The following CUL5 variants were observed in gnomAD, a reference collection of about 807,000 sequenced individuals.
CUL5 encodes the protein cullin-5.
Under a neutral mutation model 108.8 loss-of-function variants are expected in CUL5, and 26 were observed. That is an observed-to-expected ratio of 0.24 (90% CI 0.18 to 0.33). The LOEUF (loss-of-function observed/expected upper bound fraction) is 0.33. Ranked by LOEUF, CUL5 falls within the 10% of genes least tolerant of loss-of-function variation. CUL5 has a pLI of 1.00. For missense variants in CUL5, 524 were observed against 909.2 expected (o/e 0.58, Z 5.45); for synonymous variants, 334 against 298.0 (o/e 1.12, Z -1.25).
chr11:108,075,809 C>T (rs928665225), intron 10 of CUL5, among the ~76,000 whole-genome samples: 2 of 152,132 alleles, frequency 1.3e-5, no homozygotes, highest in African/African-American at 2.4e-5. Context: ...CGTGAGCCAC[C>T]ACCCCTGGCC....
intron 11 of CUL5, among the ~76,000 whole-genome samples, chr11:108,080,338 C>G (rs1224366393): frequency 6.6e-6 from 1 of 152,112 alleles, no homozygotes; most frequent in Non-Finnish European, 1.5e-5. Flanking sequence ...ATGCTCCTGC[C>G]TCAGCCTCCC....
At chr11:108,010,217 G>A (rs1349918669) in intron 1 of CUL5, among the ~76,000 whole-genome samples, 1 of 152,222 alleles carries the variant, frequency 6.6e-6, no homozygotes, top group Admixed American at 6.5e-5. Context: ...AGAAATGGGG[G>A]TAGTGAATAG....
chr11:108,072,606 C>A, intron 9 of CUL5, 144 bp downstream of exon 9: 1 of 551,474 alleles, frequency 1.8e-6, no homozygotes, highest in Non-Finnish European at 3.1e-6. Context: ...AGTTATAGTT[C>A]AATAGGAAGA....
In CUL5 at chr11:108,106,297, T is replaced by A. The variant is rs1474183920; in HGVS notation, c.*1913T>A. On this transcript the variant is annotated 3_prime_UTR_variant, in exon 19 of 19. Transcript: ENST00000393094. ...TTGCCGTCCATTTTAAAAATTTAGGTTTGTTGTTTTAAACCATAATTGTTC... is the reference window on the plus strand; with the variant it reads ...TTGCCGTCCATTTTAAAAATTTAGGATTGTTGTTTTAAACCATAATTGTTC... 6.6e-6 allele frequency: 1 copy of A among 152,472 alleles called. No homozygotes were observed. The allele number at this position is 152,472 out of a possible 1,614,324, so 9.4% of individuals were successfully genotyped here.
chr11:108,054,871 A>G lies in CUL5; in HGVS notation c.700-4A>G. The G allele has an allele frequency of 6.2e-7, 1 of 1,608,300 alleles. No individual in the cohort carries two copies. The highest frequency in any genetic ancestry group is 8.5e-7 in the Non-Finnish European group (1 of 1,178,464). On this transcript the variant is annotated splice_region_variant and splice_polypyrimidine_tract_variant and intron_variant, in intron 6 of 18. Coordinates refer to ENST00000393094, the MANE Select transcript of CUL5 (RefSeq NM_003478.6). ...AAAATGATTGCTATTTTGCTTCTGG[A>G]CAGGCAGATGCTAAATTAAAAGAAG...
At position 108,094,832 on chromosome 11, in the gene CUL5, A is replaced by G. The variant is rs1160725863; in HGVS notation, c.1588A>G (p.Ile530Val). Reference protein sequence around the residue: ...ALPADSVNIKILNAGAWSRSS... With the variant: ...ALPADSVNIKVLNAGAWSRSS... The stretch of plus-strand genomic sequence containing the variant: ...TATAGCTGATTCAGTTAATATAAAA[A>G]TTCTGAATGCTGGCGCCTGGTCAAG... Residue 530 changes from isoleucine (I) to valine (V), a missense_variant, in exon 15 of 19, where the codon ATT (isoleucine) becomes GTT (valine). This residue lies in a region of CUL5 where 64 missense variants were observed against 152.0 expected (regional missense o/e 0.42). Coordinates refer to ENST00000393094, the MANE Select transcript of CUL5 (RefSeq NM_003478.6). The G allele has an allele frequency of 1.9e-5, 30 of 1,601,040 alleles. No homozygotes were observed. The highest frequency in any genetic ancestry group is 2.0e-5 in the Non-Finnish European group (23 of 1,175,498).
In CUL5 at chr11:108,104,421, T is replaced by C. The variant is rs766605308; in HGVS notation, c.*37T>C. On this transcript the variant is annotated 3_prime_UTR_variant, in exon 19 of 19. Coordinates refer to ENST00000393094, the MANE Select transcript of CUL5 (RefSeq NM_003478.6). ...ATGGACAATATTTAGAACCCAAATT[T>C]TGGAGTGCTTGGGCAGAAAGTTGTA... 1 of 1,321,490 alleles carries C rather than the reference T, an allele frequency of 7.6e-7. No homozygotes were observed. The highest frequency in any genetic ancestry group is 1.7e-5 in the South Asian group (1 of 59,896). 81.9% of individuals were successfully genotyped at this position (1,321,490 alleles called of 1,614,324 possible). A position where few individuals can be genotyped will look rare whatever the true frequency, so the allele number is the denominator to read the frequency against.
intron 12 of CUL5, among the ~76,000 whole-genome samples, chr11:108,089,233 A>G (rs1864293904): frequency 6.6e-6 from 1 of 152,060 alleles, no homozygotes; most frequent in Non-Finnish European, 1.5e-5. Context: ...CATGTAAAGT[A>G]TATCGTTGCA....
At chr11:108,059,882 TA>T (rs35036425) in intron 7 of CUL5, among the ~76,000 whole-genome samples, 133,633 of 142,052 alleles carry the variant, frequency 0.94, 63,109 homozygotes, top group Middle Eastern at 1. Flanking sequence ...AGACTCTGTC[TA>T]AAAAAAAAAA....
At chr11:108,026,069 C>A (rs1390970984) in intron 1 of CUL5, among the ~76,000 whole-genome samples, 1 of 152,180 alleles carries the variant, frequency 6.6e-6, no homozygotes, top group African/African-American at 2.4e-5. Context: ...TCTCTTTTCA[C>A]CTTGAAGTCC....
chr11:108,074,297 C>T (rs186403602), intron 10 of CUL5, among the ~76,000 whole-genome samples: 275 of 149,478 alleles, frequency 1.8e-3, no homozygotes, highest in African/African-American at 6.6e-3. Context: ...CAGGTTCAAG[C>T]GATTCTCCTG....
chr11:108,073,569 T>A, intron 10 of CUL5, 72 bp downstream of exon 10: 1 of 620,484 alleles, frequency 1.6e-6, no homozygotes. Context: ...AATAATCAAT[T>A]TGCATTATTT....
At chr11:108,095,484 AATC>A (rs1331122038) in intron 15 of CUL5, 43 bp from the exon 16 acceptor site, 5 of 1,282,216 alleles carry the variant, frequency 3.9e-6, no homozygotes, top group South Asian at 2.8e-5. Context: ...ATTAAGAGAG[AATC>A]ATCATGAGAT....
chr11:108,052,674 A>T lies in CUL5; in HGVS notation c.426A>T (p.Thr142=). Reference sequence around the variant, plus strand: ...TGTTTTCCTAGCTTATGCTTGATACATGGAATGAGTCAATCTTTTCAAACA... The same window carrying T: ...TGTTTTCCTAGCTTATGCTTGATACTTGGAATGAGTCAATCTTTTCAAACA... ...DSIVRKLMLD[T]WNESIFSNIK... Residue 142 remains threonine (T), a synonymous_variant, in exon 5 of 19, where the codon ACA becomes ACT. Transcript: ENST00000393094. The T allele has an allele frequency of 6.2e-7, 1 of 1,609,826 alleles. No homozygotes were observed. The highest frequency in any genetic ancestry group is 1.1e-5 in the South Asian group (1 of 90,138).
At chr11:108,052,115 G>C (rs566828163) in intron 4 of CUL5, among the ~76,000 whole-genome samples, 1 of 151,934 alleles carries the variant, frequency 6.6e-6, no homozygotes, top group Non-Finnish European at 1.5e-5. Context: ...ACAGGCACAT[G>C]CCAGCATGCC....
chr11:108,067,862 G>A (rs963654203), intron 7 of CUL5, among the ~76,000 whole-genome samples: 4 of 152,166 alleles, frequency 2.6e-5, no homozygotes, highest in African/African-American at 4.8e-5. Context: ...TTGGGGCAGA[G>A]ATTTCCACCT....
intron 7 of CUL5, among the ~76,000 whole-genome samples, chr11:108,062,926 A>G (rs1304852464): frequency 6.6e-6 from 1 of 152,048 alleles, no homozygotes; most frequent in Non-Finnish European, 1.5e-5. Context: ...GCTCACCGCA[A>G]CCTCCGCCTC....
chr11:108,018,683 AAG>A (rs370441097), intron 1 of CUL5, among the ~76,000 whole-genome samples: 229 of 149,380 alleles, frequency 1.5e-3, no homozygotes, highest in Non-Finnish European at 2.2e-3. Flanking sequence ...TTAAAAAAAA[AAG>A]AGAGAGAGAA....
chr11:108,058,275 G>A (rs187687724), intron 7 of CUL5, among the ~76,000 whole-genome samples: 82 of 77,226 alleles, frequency 1.1e-3, no homozygotes, highest in African/African-American at 3.7e-3. Flanking sequence ...TTGAAACATA[G>A]CCCTGATGTG....
Sources: allele counts gnomAD v4.1 joint callset (sites outside exome capture counted in the v4.1 genomes callset), GRCh38; gene constraint gnomAD v4.1.1; regional missense constraint gnomAD v4.1.1; transcripts MANE v1.5; gene names NCBI Gene and HGNC (gene_info 2026-07-23, HGNC 2026-07-21).